Variants in ALPL observed in about 807,000 individuals in gnomAD.
ALPL encodes the protein alkaline phosphatase, tissue-nonspecific isozyme.
Under a neutral mutation model 51.3 loss-of-function variants are expected in ALPL, and 42 were observed. The ratio of observed to expected loss-of-function variants is 0.82; its 90% CI spans 0.64 to 1.06. ALPL has a LOEUF of 1.06. Ranked by LOEUF, ALPL falls within the 50% of genes least tolerant of loss-of-function variation. ALPL has a pLI of 0.00. For synonymous variants in ALPL, 279 were observed against 296.4 expected, an observed-to-expected ratio of 0.94 and a Z score of 0.60; for missense variants, 589 against 709.4, an observed-to-expected ratio of 0.83 and a Z score of 1.93.
intron 1 of ALPL, among the ~76,000 whole-genome samples, chr1:21,528,504 T>C (rs12028278): frequency 0.26 from 38,706 of 151,520 alleles, 6,177 homozygotes; most frequent in South Asian, 0.43. Flanking sequence ...TGTGCCACCA[T>C]GCCTGGCTAA....
At chr1:21,511,149 C>T (rs1193458180) in intron 1 of ALPL, among the ~76,000 whole-genome samples, 1 of 152,224 alleles carries the variant, frequency 6.6e-6, no homozygotes, top group Non-Finnish European at 1.5e-5. Flanking sequence ...AGCCAAAAGC[C>T]CTCTTCTGGA....
At chr1:21,525,302 C>T (rs1315662815) in intron 1 of ALPL, among the ~76,000 whole-genome samples, 2 of 152,210 alleles carry the variant, frequency 1.3e-5, no homozygotes, top group Admixed American at 6.5e-5. Flanking sequence ...CTCCTCATCC[C>T]GCCACACGCT....
chr1:21,515,870 T>G (rs200769016), intron 1 of ALPL, among the ~76,000 whole-genome samples: 11 of 151,726 alleles, frequency 7.2e-5, no homozygotes, highest in East Asian at 5.9e-4. Flanking sequence ...GTTTGTTTGT[T>G]TTGTTGTTGT....
intron 2 of ALPL, among the ~76,000 whole-genome samples, chr1:21,555,409 C>T (rs988172761): frequency 6.6e-6 from 1 of 152,134 alleles, no homozygotes; most frequent in Admixed American, 6.6e-5. Context: ...TGGGCTCAGA[C>T]GCCTGACACT....
At chr1:21,576,473 G>A (rs201335796) in intron 10 of ALPL, 49 bp from the exon 11 acceptor site, 300 of 1,606,908 alleles carry the variant, frequency 1.9e-4, no homozygotes, top group East Asian at 2.0e-4. Flanking sequence ...GCTGGGGACT[G>A]TACTCCTGGG....
intron 1 of ALPL, among the ~76,000 whole-genome samples, chr1:21,552,730 A>G (rs994822688): frequency 2.0e-5 from 3 of 152,206 alleles, no homozygotes; most frequent in African/African-American, 7.2e-5. Flanking sequence ...TTCTTTAAAC[A>G]ACTTTTAAAA....
chr1:21,562,010 C>A (rs188972561), intron 4 of ALPL, among the ~76,000 whole-genome samples: 1 of 152,074 alleles, frequency 6.6e-6, no homozygotes, highest in Admixed American at 6.6e-5. Flanking sequence ...CATTCTTTCC[C>A]GAGGCAGTTC....
chr1:21,529,723 C>T (rs2148085300), intron 1 of ALPL, among the ~76,000 whole-genome samples: 1 of 152,232 alleles, frequency 6.6e-6, no homozygotes, highest in Non-Finnish European at 1.5e-5. Context: ...CATCTTTGCT[C>T]ATTTCTTTTG....
At chr1:21,510,459 T>A (rs2148046967) in intron 1 of ALPL, among the ~76,000 whole-genome samples, 1 of 152,308 alleles carries the variant, frequency 6.6e-6, no homozygotes, top group East Asian at 1.9e-4. Context: ...TGGGCCCAGC[T>A]GCCCAGGGAG....
chr1:21,553,730 C>G (rs1009988572), intron 1 of ALPL, among the ~76,000 whole-genome samples: 1 of 152,214 alleles, frequency 6.6e-6, no homozygotes, highest in Non-Finnish European at 1.5e-5. Flanking sequence ...TGGAAATTCA[C>G]TTAGGAAATG....
intron 2 of ALPL, among the ~76,000 whole-genome samples, chr1:21,558,703 G>A (rs933399795): frequency 3.3e-5 from 5 of 152,168 alleles, no homozygotes; most frequent in South Asian, 2.1e-4. Context: ...TGGGGCTGTC[G>A]GGATGAGGGT....
At chr1:21,566,585 C>T (rs1173858792) in intron 6 of ALPL, among the ~76,000 whole-genome samples, 1 of 151,762 alleles carries the variant, frequency 6.6e-6, no homozygotes, top group Non-Finnish European at 1.5e-5. Flanking sequence ...GCCATCGCGC[C>T]CGGCCTATTT....
chr1:21,511,913 G>A (rs951358869), intron 1 of ALPL, among the ~76,000 whole-genome samples: 2 of 152,230 alleles, frequency 1.3e-5, no homozygotes, highest in Non-Finnish European at 2.9e-5. Flanking sequence ...TGGAGCCTGC[G>A]TATCTAGAAT....
chr1:21,561,830 C>T (rs1208197756), intron 4 of ALPL, among the ~76,000 whole-genome samples: 1 of 152,080 alleles, frequency 6.6e-6, no homozygotes, highest in Non-Finnish European at 1.5e-5. Context: ...CCATGCCCAG[C>T]TAATTTTTTT....
intron 1 of ALPL, among the ~76,000 whole-genome samples, chr1:21,520,206 C>T (rs915499536): frequency 4.6e-5 from 7 of 152,078 alleles, no homozygotes; most frequent in Non-Finnish European, 1.0e-4. Context: ...TTGACTGCGG[C>T]CTTGACTTCC....
At chr1:21,538,663 C>A (rs1234801021) in intron 1 of ALPL, among the ~76,000 whole-genome samples, 1 of 152,168 alleles carries the variant, frequency 6.6e-6, no homozygotes, top group Non-Finnish European at 1.5e-5. Flanking sequence ...CCGGGATTGG[C>A]CAATGCCCTG....
intron 1 of ALPL, among the ~76,000 whole-genome samples, chr1:21,515,599 G>A (rs1382947167): frequency 1.3e-5 from 2 of 152,140 alleles, no homozygotes; most frequent in East Asian, 3.9e-4. Flanking sequence ...ATGTCGGCCA[G>A]GTTGATCTTG....
intron 1 of ALPL, among the ~76,000 whole-genome samples, chr1:21,512,533 CA>C (rs1397667116): frequency 1.3e-5 from 2 of 152,132 alleles, no homozygotes; most frequent in African/African-American, 4.8e-5. Context: ...GTTTAGGTCA[CA>C]AAAGCCTACA....
chr1:21,528,384 G>A lies in ALPL; in HGVS notation c.-105+18867G>A, dbSNP rs1243315590. On this transcript the variant is annotated intron_variant, in intron 1 of 11. Coordinates refer to ENST00000374840, the MANE Select transcript of ALPL (RefSeq NM_000478.6). ...TTTTTTTGAGGCGGAATCTCGCTCTGTCACCCAGGCTGGAGTGCAGTGGTG... is the reference window on the plus strand; with the variant it reads ...TTTTTTTGAGGCGGAATCTCGCTCTATCACCCAGGCTGGAGTGCAGTGGTG... 1.1e-4 allele frequency among the ~76,000 whole-genome samples: 14 copies of A among 130,044 alleles called. No homozygotes were observed. In the Admixed American group the frequency reaches 1.3e-3, roughly 12 times the overall value. The allele number at this position is 130,044 out of a possible 152,430, so 85.3% of individuals were successfully genotyped here. A position where few individuals can be genotyped will look rare whatever the true frequency, so the allele number is the denominator to read the frequency against.
Sources: allele counts gnomAD v4.1 joint callset (sites outside exome capture counted in the v4.1 genomes callset), GRCh38; gene constraint gnomAD v4.1.1; transcripts MANE v1.5; gene names NCBI Gene and HGNC (gene_info 2026-07-23, HGNC 2026-07-21).